SNTG2: variants seen among roughly 807,000 people sequenced by gnomAD.
SNTG2 encodes the protein syntrophin gamma 2, also known as gamma-2-syntrophin.
Under a neutral mutation model 70.9 loss-of-function variants are expected in SNTG2, and 74 were observed. The observed-to-expected ratio is 1.04, with a 90% CI of 0.86 to 1.27. The LOEUF (loss-of-function observed/expected upper bound fraction) is 1.27, where lower values mean the gene tolerates loss of function less well. Among genes scored for constraint, SNTG2 ranks in the 50% most tolerant of loss-of-function variants. SNTG2 has a pLI of 0.00. For synonymous variants in SNTG2, 278 were observed against 273.8 expected (o/e 1.02, Z -0.15); for missense variants, 717 against 690.7 (o/e 1.04, Z -0.43).
intron 9 of SNTG2, among the ~76,000 whole-genome samples, chr2:1,221,207 G>T (rs930302152): frequency 1.3e-5 from 2 of 150,702 alleles, no homozygotes; most frequent in Non-Finnish European, 3.0e-5. Flanking sequence ...AGATTCCCCG[G>T]GTGCTCCTCT....
intron 1 of SNTG2, among the ~76,000 whole-genome samples, chr2:1,041,087 C>T (rs1661410464): frequency 6.6e-6 from 1 of 152,204 alleles, no homozygotes; most frequent in Non-Finnish European, 1.5e-5. Context: ...AAAGTGGCCT[C>T]TCTGCATCTG....
At position 1,063,233 on chromosome 2, in the gene SNTG2, C is replaced by A. The variant is rs543526258; in HGVS notation, c.73-20285C>A. 5.7e-4 allele frequency among the ~76,000 whole-genome samples: 87 copies of A among 152,180 alleles called. 1 individual carries two copies. Among genetic ancestry groups the A allele is most frequent in the African/African-American group, 2.1e-3 (86 of 41,510 alleles). ...CCTTCCTAGAGGAGCAGATATCCACCGGTGATGCTGCCGGGCTCCTCACAG... is the reference window on the plus strand; with the variant it reads ...CCTTCCTAGAGGAGCAGATATCCACAGGTGATGCTGCCGGGCTCCTCACAG... On this transcript the variant is annotated intron_variant, in intron 1 of 16. Coordinates refer to ENST00000308624, the MANE Select transcript of SNTG2 (RefSeq NM_018968.4).
At chr2:1,081,710 C>T (rs1355263509) in intron 1 of SNTG2, among the ~76,000 whole-genome samples, 1 of 152,224 alleles carries the variant, frequency 6.6e-6, no homozygotes, top group Non-Finnish European at 1.5e-5. Flanking sequence ...GCCGTGGCAG[C>T]ACTCCCAGTT....
chr2:1,134,890 G>GAGAGAAATCA (rs1484371177), intron 4 of SNTG2, among the ~76,000 whole-genome samples: 2 of 152,194 alleles, frequency 1.3e-5, no homozygotes, highest in Admixed American at 1.3e-4. Context: ...CTAAGGCCCC[G>GAGAGAAATCA]AGAGAAATCA....
chr2:1,316,963 C>G (rs112426223), intron 16 of SNTG2, among the ~76,000 whole-genome samples: 3 of 116,984 alleles, frequency 2.6e-5, no homozygotes, highest in Admixed American at 9.0e-5. Context: ...CATTGAGCAT[C>G]AGGCCAGCAT....
intron 1 of SNTG2, among the ~76,000 whole-genome samples, chr2:1,044,912 G>A (rs1251311264): frequency 6.6e-6 from 1 of 152,000 alleles, no homozygotes; most frequent in Non-Finnish European, 1.5e-5. Context: ...TATGAGTTAG[G>A]AATCCCTCTG....
intron 7 of SNTG2, among the ~76,000 whole-genome samples, chr2:1,167,053 A>G (rs937878421): frequency 1.3e-5 from 2 of 152,234 alleles, no homozygotes; most frequent in East Asian, 3.8e-4. Flanking sequence ...CTGGTATGCT[A>G]AGGCAAGAAC....
At chr2:1,227,984 C>T (rs542221199) in intron 9 of SNTG2, among the ~76,000 whole-genome samples, 53 of 152,300 alleles carry the variant, frequency 3.5e-4, no homozygotes, top group South Asian at 2.7e-3. Flanking sequence ...TGAAGCCTCC[C>T]GCCTCGTGCT....
chr2:1,243,606 C>T (rs1337007370), intron 11 of SNTG2, among the ~76,000 whole-genome samples: 1 of 152,196 alleles, frequency 6.6e-6, no homozygotes, highest in African/African-American at 2.4e-5. Context: ...CCCATCTGTC[C>T]TCTGTATTTA....
chr2:1,134,349 G>A (rs1017112438), intron 4 of SNTG2, among the ~76,000 whole-genome samples: 1 of 152,028 alleles, frequency 6.6e-6, no homozygotes, highest in Non-Finnish European at 1.5e-5. Flanking sequence ...ACATAGAGCC[G>A]AGTGGTCTGT....
At chr2:1,113,475 C>G (rs927133130) in intron 4 of SNTG2, among the ~76,000 whole-genome samples, 1 of 151,508 alleles carries the variant, frequency 6.6e-6, no homozygotes, top group African/African-American at 2.4e-5. Context: ...TGAGAAGGGT[C>G]GTGTGTACTA....
At chr2:1,187,532 C>T (rs1484232542) in intron 8 of SNTG2, among the ~76,000 whole-genome samples, 1 of 152,176 alleles carries the variant, frequency 6.6e-6, no homozygotes, top group East Asian at 1.9e-4. Flanking sequence ...TCCACAATCA[C>T]ATAAAGCAGT....
chr2:1,011,223 G>A (rs1361754372), intron 1 of SNTG2, among the ~76,000 whole-genome samples: 1 of 152,260 alleles, frequency 6.6e-6, no homozygotes, highest in Non-Finnish European at 1.5e-5. Context: ...AGGGCCAGGT[G>A]GGAGCAGGGC....
At chr2:1,028,738 CT>C (rs71392557) in intron 1 of SNTG2, among the ~76,000 whole-genome samples, 3,685 of 145,082 alleles carry the variant, frequency 0.025, 147 homozygotes, top group African/African-American at 0.084. Flanking sequence ...AGGCAACCTC[CT>C]TTTTTTTTTT....
intron 16 of SNTG2, among the ~76,000 whole-genome samples, chr2:1,318,734 C>A (rs867056706): frequency 1.8e-4 from 27 of 152,322 alleles, no homozygotes; most frequent in Admixed American, 6.5e-4. Context: ...TGTTCTTCCT[C>A]TGGTTTGTTT....
intron 4 of SNTG2, among the ~76,000 whole-genome samples, chr2:1,113,704 A>G (rs1022870014): frequency 2.2e-4 from 33 of 148,460 alleles, no homozygotes; most frequent in African/African-American, 6.9e-4. Flanking sequence ...TTTGAGGAGG[A>G]TCATGGGTAC....
At chr2:1,238,808 TG>T (rs1676855554) in intron 10 of SNTG2, among the ~76,000 whole-genome samples, 1 of 152,218 alleles carries the variant, frequency 6.6e-6, no homozygotes, top group Admixed American at 6.5e-5. Flanking sequence ...CTGCAGAGGC[TG>T]GGTCCAGCTT....
chr2:1,350,671 G>T (rs985586338), intron 16 of SNTG2, among the ~76,000 whole-genome samples: 3 of 152,138 alleles, frequency 2.0e-5, no homozygotes, highest in African/African-American at 7.2e-5. Context: ...GATGGAAAGG[G>T]AACAGTGATT....
At chr2:1,062,068 G>A (rs557070445) in intron 1 of SNTG2, among the ~76,000 whole-genome samples, 1 of 152,092 alleles carries the variant, frequency 6.6e-6, no homozygotes, top group Admixed American at 6.5e-5. Context: ...GAGTGTAATA[G>A]AGGAGAGAAA....
Sources: allele counts gnomAD v4.1 joint callset (sites outside exome capture counted in the v4.1 genomes callset), GRCh38; gene constraint gnomAD v4.1.1; transcripts MANE v1.5; gene names NCBI Gene and HGNC (gene_info 2026-07-23, HGNC 2026-07-21).